The following DAW1 variants were observed in gnomAD, a reference collection of about 807,000 sequenced individuals.
The protein encoded by DAW1 is dynein assembly factor with WD repeats 1.
In DAW1, 47 loss-of-function variants were observed where a neutral mutation model predicts 56.5. The ratio of observed to expected loss-of-function variants is 0.83; its 90% CI spans 0.66 to 1.06. DAW1 has a LOEUF of 1.06. Among genes scored for constraint, DAW1 ranks in the 50% least tolerant of loss-of-function variants. The probability of loss-of-function intolerance (pLI) is 0.00; values close to 1 mark genes in which losing one functional copy is unlikely to be tolerated. For missense variants in DAW1, 505 were observed against 499.3 expected (o/e 1.01, Z -0.11); for synonymous variants, 190 against 179.0 (o/e 1.06, Z -0.49).
chr2:227,898,081 G>C (rs1691456106), intron 5 of DAW1, 101 bp from the exon 6 acceptor site: 1 of 595,512 alleles, frequency 1.7e-6, no homozygotes, highest in Non-Finnish European at 2.5e-6. Context: ...AGCTTTAGAA[G>C]TGAAGTAAAT....
At chr2:227,915,805 A>G (rs1691937316) in intron 10 of DAW1, among the ~76,000 whole-genome samples, 1 of 152,176 alleles carries the variant, frequency 6.6e-6, no homozygotes, top group Non-Finnish European at 1.5e-5. Context: ...ATAGCCATAT[A>G]TAATGCTACA....
At chr2:227,906,821 A>G (rs1465873754) in intron 9 of DAW1, among the ~76,000 whole-genome samples, 2 of 152,166 alleles carry the variant, frequency 1.3e-5, no homozygotes, top group South Asian at 2.1e-4. Flanking sequence ...TGTCCTTCCT[A>G]TAAAAAGAGC....
intron 10 of DAW1, among the ~76,000 whole-genome samples, chr2:227,917,188 G>C (rs1623450): frequency 0.49 from 73,357 of 149,778 alleles, 18,241 homozygotes; most frequent in Middle Eastern, 0.64. Flanking sequence ...GTCTATCTAT[G>C]TATCTATCCA....
intron 4 of DAW1, among the ~76,000 whole-genome samples, chr2:227,892,375 C>T (rs562925355): frequency 6.6e-6 from 1 of 152,104 alleles, no homozygotes; most frequent in Non-Finnish European, 1.5e-5. Flanking sequence ...CTCAGGTGAT[C>T]TGCCCAACTT....
intron 11 of DAW1, among the ~76,000 whole-genome samples, 165 bp downstream of exon 11, chr2:227,919,021 C>G (rs951513371): frequency 6.6e-6 from 1 of 151,814 alleles, no homozygotes; most frequent in Non-Finnish European, 1.5e-5. Flanking sequence ...ATAGGGATAC[C>G]TCATCTCTAC....
At chr2:227,893,168 G>T (rs1691313545) in intron 4 of DAW1, among the ~76,000 whole-genome samples, 1 of 151,784 alleles carries the variant, frequency 6.6e-6, no homozygotes, top group African/African-American at 2.4e-5. Context: ...TACCTGGGAG[G>T]CTGAGGCAGG....
At chr2:227,903,881 A>G (rs1691614958) in intron 7 of DAW1, among the ~76,000 whole-genome samples, 1 of 152,210 alleles carries the variant, frequency 6.6e-6, no homozygotes, top group Non-Finnish European at 1.5e-5. Flanking sequence ...ACTGCAAAAG[A>G]AAAAAAATCA....
Position 227,871,717 on chromosome 2 carries a change from TA to T in DAW1, c.29del (p.Tyr10PhefsTer16). MKLKSLLLR[Y>X]YPPGIMLEYE... ...GAAGCTCAAGAGCCTCCTGCTCCGGTATTACCCGCCAGGTACGCACCAGCCC... is the reference window on the plus strand; with the variant it reads ...GAAGCTCAAGAGCCTCCTGCTCCGGTTTACCCGCCAGGTACGCACCAGCCC... On this transcript the variant is annotated frameshift_variant, in exon 1 of 13. Coordinates refer to ENST00000309931, the MANE Select transcript of DAW1 (RefSeq NM_178821.3). LOFTEE classifies it high-confidence loss of function. 6.2e-7 allele frequency: 1 copy of T among 1,613,944 alleles called. No homozygotes were observed. The highest frequency in any genetic ancestry group is 8.5e-7 in the Non-Finnish European group (1 of 1,179,918).
In DAW1 at chr2:227,871,858, A is replaced by G. The variant is rs1690758130; in HGVS notation, c.40+129A>G. On this transcript the variant is annotated intron_variant, in intron 1 of 12. Transcript: ENST00000309931. ...CCCCAGGTGGGGCAGGAAGTCGGGC[A>G]CTTCCCAACCTGTGCCCCTCATTCC... 7 of 1,201,928 alleles carry G rather than the reference A, an allele frequency of 5.8e-6. No homozygotes were observed. The Admixed American group carries it at 1.5e-4, about 26-fold the overall frequency. The allele number at this position is 1,201,928 out of a possible 1,614,324, so 74.5% of individuals were successfully genotyped here.
rs564557090 is a variant in DAW1 at position 227,884,528 on chromosome 2, G to A, written c.41-823G>A. On this transcript the variant is annotated intron_variant, in intron 1 of 12. Coordinates refer to ENST00000309931, the MANE Select transcript of DAW1 (RefSeq NM_178821.3). ...TTACAATGGTGTCTGTAGTTTCCTA[G>A]GCTCTTGCAATGTTACTGTCCTTTG... Among the ~76,000 whole-genome samples, 5 of 152,294 alleles carry A rather than the reference G, an allele frequency of 3.3e-5. No individual in the cohort carries two copies. The South Asian group carries it at 1.0e-3, about 32-fold the overall frequency.
intron 7 of DAW1, among the ~76,000 whole-genome samples, chr2:227,904,528 T>C (rs527465518): frequency 6.6e-6 from 1 of 152,350 alleles, no homozygotes; most frequent in Admixed American, 6.5e-5. Context: ...ACTGTTTACT[T>C]TTGCATACCA....
chr2:227,924,229 T>A lies in DAW1; in HGVS notation c.*261T>A. The A allele has an allele frequency of 2.0e-6, 1 of 488,666 alleles. No individual in the cohort carries two copies. The highest frequency in any genetic ancestry group is 3.7e-6 in the Non-Finnish European group (1 of 273,526). The allele number at this position is 488,666 out of a possible 1,614,324, so 30.3% of individuals were successfully genotyped here. ...CCAGTTATTTCAGTTGTGTTTGTTT[T>A]TTAAAAGCATTATGATACTGAAAAA... On this transcript the variant is annotated 3_prime_UTR_variant, in exon 13 of 13. Transcript: ENST00000309931.
Position 227,921,700 on chromosome 2 carries a change from T to G in DAW1, c.1213+139T>G, listed in dbSNP as rs1265131758. ...TAGCTCATCTTGGCCTGCCCTCATA[T>G]TTTCATTATTTAATTTTAGTTTTAT... is the stretch of plus-strand genomic sequence containing the variant. On this transcript the variant is annotated intron_variant, in intron 12 of 12. Coordinates refer to ENST00000309931, the MANE Select transcript of DAW1 (RefSeq NM_178821.3). 4.7e-6 allele frequency: 4 copies of G among 857,262 alleles called. No individual in the cohort carries two copies. In the East Asian group the frequency reaches 1.1e-4, roughly 23 times the overall value. The allele number at this position is 857,262 out of a possible 1,614,324, so 53.1% of individuals were successfully genotyped here.
rs1363592891 is a variant in DAW1 at position 227,910,817 on chromosome 2, G to A, written c.973+3565G>A. 2.0e-5 allele frequency among the ~76,000 whole-genome samples: 3 copies of A among 152,030 alleles called. No homozygotes were observed. In the East Asian group the frequency reaches 5.8e-4, roughly 29 times the overall value. On this transcript the variant is annotated intron_variant, in intron 10 of 12. Coordinates refer to ENST00000309931, the MANE Select transcript of DAW1 (RefSeq NM_178821.3). ...TTCCCTGACTACTATTTATGATGCT[G>A]CAGTATGTCTGCTTCATTTTCATGA... is the stretch of plus-strand genomic sequence containing the variant.
intron 10 of DAW1, among the ~76,000 whole-genome samples, chr2:227,907,852 T>G (rs1180993462): frequency 6.6e-6 from 1 of 152,208 alleles, no homozygotes; most frequent in Non-Finnish European, 1.5e-5. Flanking sequence ...CCAGCTTCCC[T>G]GATGATTACA....
chr2:227,890,843 T>G (rs887336054), intron 3 of DAW1, among the ~76,000 whole-genome samples: 1 of 152,226 alleles, frequency 6.6e-6, no homozygotes, highest in African/African-American at 2.4e-5. Context: ...CAATCACTCT[T>G]AATAGATTGT....
At chr2:227,880,552 C>T (rs1455348126) in intron 1 of DAW1, among the ~76,000 whole-genome samples, 1 of 152,198 alleles carries the variant, frequency 6.6e-6, no homozygotes, top group East Asian at 1.9e-4. Context: ...CCAAACTATC[C>T]TCTAACTAGC....
chr2:227,910,369 A>G (rs1263649763), intron 10 of DAW1, among the ~76,000 whole-genome samples: 2 of 152,098 alleles, frequency 1.3e-5, no homozygotes, highest in Non-Finnish European at 2.9e-5. Flanking sequence ...ACTACTCAGT[A>G]AGCTGAGGAA....
intron 1 of DAW1, among the ~76,000 whole-genome samples, chr2:227,881,578 T>G (rs1366240979): frequency 6.6e-6 from 1 of 152,106 alleles, no homozygotes; most frequent in African/African-American, 2.4e-5. Context: ...TAAGCACTGT[T>G]CATTGAGACT....
Sources: gnomAD v4.1 joint callset for allele counts (sites outside exome capture counted in the v4.1 genomes callset) on GRCh38, gnomAD v4.1.1 for gene constraint, MANE v1.5 for transcripts, NCBI Gene and HGNC (gene_info 2026-07-23, HGNC 2026-07-21) for gene names.